The following ZNF654 variants were observed in gnomAD, a reference collection of about 807,000 sequenced individuals.
The protein encoded by ZNF654 is melanoma-associated antigen.
ZNF654 carries 19 observed loss-of-function variants against 95.3 expected under a neutral mutation model. The observed-to-expected ratio is 0.20, with a 90% CI of 0.14 to 0.29. The LOEUF (loss-of-function observed/expected upper bound fraction) is 0.29, where lower values mean the gene tolerates loss of function less well. Among genes scored for constraint, ZNF654 ranks in the 10% least tolerant of loss-of-function variants. ZNF654 has a pLI of 1.00. For missense variants in ZNF654, 1,046 were observed against 1,341.0 expected (o/e 0.78, Z 3.44); for synonymous variants, 413 against 457.9 (o/e 0.90, Z 1.25).
intron 2 of ZNF654, among the ~76,000 whole-genome samples, chr3:88,103,265 T>A (rs1704539373): frequency 6.6e-6 from 1 of 152,178 alleles, no homozygotes; most frequent in African/African-American, 2.4e-5. Flanking sequence ...ATAATACGTT[T>A]GAGCAGATTG....
chr3:88,077,440 C>G (rs1237305726), intron 1 of ZNF654, among the ~76,000 whole-genome samples: 2 of 151,764 alleles, frequency 1.3e-5, no homozygotes, highest in African/African-American at 4.8e-5. Context: ...TCACTCCACT[C>G]TCCTGCCTCA....
chr3:88,133,328 C>T lies in ZNF654; in HGVS notation c.894-1733C>T, dbSNP rs147632507. On this transcript the variant is annotated intron_variant, in intron 6 of 8. Coordinates refer to ENST00000636215, the MANE Select transcript of ZNF654 (RefSeq NM_001350134.2). ...TTGAGATTTAGGTCTCTCTTATTTC[C>T]AATTCCATGTTCTTGCCACTGCATC... Among the ~76,000 whole-genome samples, 400 of 152,224 alleles carry T rather than the reference C, an allele frequency of 2.6e-3. 1 individual carries two copies. The highest frequency in any genetic ancestry group is 9.4e-3 in the African/African-American group (389 of 41,546).
Position 88,141,897 on chromosome 3 carries a change from A to G in ZNF654, c.*245A>G, listed in dbSNP as rs997113214. ...AGAAAACCACATTTTACAGTTTATGATGATTAATAGCAGCAGCATGTTCAG... is the reference window on the plus strand; with the variant it reads ...AGAAAACCACATTTTACAGTTTATGGTGATTAATAGCAGCAGCATGTTCAG... On this transcript the variant is annotated 3_prime_UTR_variant, in exon 9 of 9. Coordinates refer to ENST00000636215, the MANE Select transcript of ZNF654 (RefSeq NM_001350134.2). 1 of 357,846 alleles carries G rather than the reference A, an allele frequency of 2.8e-6. No individual in the cohort carries two copies. The highest frequency in any genetic ancestry group is 5.1e-6 in the Non-Finnish European group (1 of 197,322). 22.2% of individuals were successfully genotyped at this position (357,846 alleles called of 1,614,324 possible). A position where few individuals can be genotyped will look rare whatever the true frequency, so the allele number is the denominator to read the frequency against.
At chr3:88,070,669 T>C (rs1312133209) in intron 1 of ZNF654, among the ~76,000 whole-genome samples, 1 of 151,066 alleles carries the variant, frequency 6.6e-6, no homozygotes, top group Admixed American at 6.6e-5. Flanking sequence ...GGCTGAATAA[T>C]TGGGTTGGAG....
At chr3:88,141,545 T>G (rs1707133036) in intron 8 of ZNF654, 100 bp from the exon 9 acceptor site, 20 of 822,876 alleles carry the variant, frequency 2.4e-5, no homozygotes, top group Non-Finnish European at 3.4e-5. Context: ...AATATCAATA[T>G]CCTTTAAAAT....
chr3:88,139,524 A>G lies in ZNF654; in HGVS notation c.1855A>G (p.Ile619Val), dbSNP rs774708329. The G allele has an allele frequency of 2.5e-6, 4 of 1,613,432 alleles. No homozygotes were observed. Among genetic ancestry groups the G allele is most frequent in the Non-Finnish European group, 2.5e-6 (3 of 1,179,676 alleles). The stretch of plus-strand genomic sequence containing the variant: ...TCAGGAAGTCACTGCTTTGGAAGAA[A>G]TAAATTGTTCTAGTTCTTCCATTTC... ...DDQEVTALEE[I>V]NCSSSSISFE... Residue 619 changes from isoleucine (I) to valine (V), a missense_variant, in exon 8 of 9, where the codon ATA (isoleucine) becomes GTA (valine). Ile to Val is a conservative substitution (Grantham distance 29, BLOSUM62 3). Coordinates refer to ENST00000636215, the MANE Select transcript of ZNF654 (RefSeq NM_001350134.2).
At chr3:88,132,169 G>A (rs1470659682) in intron 6 of ZNF654, among the ~76,000 whole-genome samples, 6 of 151,976 alleles carry the variant, frequency 3.9e-5, no homozygotes. Flanking sequence ...GTGAAGCCAG[G>A]ATTCAAACTT....
In ZNF654 at chr3:88,139,093, A is replaced by G; in HGVS notation, c.1424A>G (p.Asn475Ser). ...LSDKSAVRFL[N>S]ESTLENNAGN... ...GATAAATCAGCAGTTAGATTTCTAA[A>G]TGAAAGCACACTGGAAAATAATGCA... is the stretch of plus-strand genomic sequence containing the variant. The change falls in exon 8 of 9, where the codon AAT becomes AGT. Residue 475 changes from asparagine to serine, a missense_variant. Physicochemically the swap from Asn to Ser is conservative, Grantham distance 46. This residue lies in a region of ZNF654 where 100 missense variants were observed against 108.9 expected (regional missense o/e 0.92). Transcript: ENST00000636215. 1 of 1,263,316 alleles carries G rather than the reference A, an allele frequency of 7.9e-7. No individual in the cohort carries two copies. The highest frequency in any genetic ancestry group is 9.9e-7 in the Non-Finnish European group (1 of 1,005,644). 78.3% of individuals were successfully genotyped at this position (1,263,316 alleles called of 1,614,324 possible).
intron 2 of ZNF654, among the ~76,000 whole-genome samples, chr3:88,105,512 G>T (rs1160179286): frequency 6.6e-6 from 1 of 151,882 alleles, no homozygotes; most frequent in South Asian, 2.1e-4. Context: ...ACCTCTTTTT[G>T]AATTTTTGCC....
chr3:88,094,308 T>C (rs1703927544), intron 2 of ZNF654, among the ~76,000 whole-genome samples: 1 of 152,158 alleles, frequency 6.6e-6, no homozygotes, highest in Non-Finnish European at 1.5e-5. Context: ...TAGTTGTGAC[T>C]AGCATCTTTT....
chr3:88,078,191 C>G (rs1234529106), intron 1 of ZNF654, among the ~76,000 whole-genome samples: 1 of 152,112 alleles, frequency 6.6e-6, no homozygotes, highest in African/African-American at 2.4e-5. Flanking sequence ...ATTCCTATAA[C>G]ATTATTTAAT....
At chr3:88,102,498 G>A (rs991716881) in intron 2 of ZNF654, among the ~76,000 whole-genome samples, 8 of 152,118 alleles carry the variant, frequency 5.3e-5, no homozygotes, top group Admixed American at 2.0e-4. Flanking sequence ...GTGCAAAAGC[G>A]TGATGAAGGT....
intron 2 of ZNF654, among the ~76,000 whole-genome samples, chr3:88,103,070 ATG>A (rs941244915): frequency 7.2e-5 from 11 of 152,150 alleles, no homozygotes; most frequent in African/African-American, 2.7e-4. Context: ...AAGTGAGCAC[ATG>A]TGTTATTTGG....
At chr3:88,064,385 A>T (rs887528550) in intron 1 of ZNF654, among the ~76,000 whole-genome samples, 1 of 152,116 alleles carries the variant, frequency 6.6e-6, no homozygotes, top group Non-Finnish European at 1.5e-5. Flanking sequence ...GTTTTTGTTT[A>T]TCCCTTTCCT....
Position 88,128,917 on chromosome 3 carries a change from T to G in ZNF654, c.659T>G (p.Ile220Arg). ...GCAATGGCTCTTATTAAATCTTGTA[T>G]AAATCACCCAGAAATCAGTAAAGAC... ...PEAMALIKSC[I>R]NHPEISKDLY... The change falls in exon 5 of 9, where the codon ATA becomes AGA. Residue 220 changes from isoleucine (I) to arginine (R), a missense_variant. This residue lies in a region of ZNF654 where 121 missense variants were observed against 141.7 expected (regional missense o/e 0.85). Transcript: ENST00000636215. The G allele has an allele frequency of 6.5e-7, 1 of 1,535,674 alleles. No individual in the cohort carries two copies. The highest frequency in any genetic ancestry group is 1.2e-5 in the South Asian group (1 of 84,054).
intron 2 of ZNF654, among the ~76,000 whole-genome samples, chr3:88,088,728 A>T (rs77990694): frequency 4.7e-4 from 4 of 8,582 alleles, no homozygotes; most frequent in Admixed American, 2.2e-3. Context: ...GAGGCAGTTT[A>T]AAAAAAAACC....
At chr3:88,098,027 ACAAT>A (rs1704170828) in intron 2 of ZNF654, among the ~76,000 whole-genome samples, 1 of 151,792 alleles carries the variant, frequency 6.6e-6, no homozygotes, top group Admixed American at 6.6e-5. Context: ...CCCTTCAAAA[ACAAT>A]CAATCCAGGA....
chr3:88,064,899 G>A (rs532868375), intron 1 of ZNF654, among the ~76,000 whole-genome samples: 2 of 152,338 alleles, frequency 1.3e-5, no homozygotes, highest in South Asian at 2.1e-4. Context: ...GGAAAGTATT[G>A]AGGATAATTT....
At chr3:88,119,572 T>C (rs1401808229) in intron 3 of ZNF654, among the ~76,000 whole-genome samples, 1 of 151,996 alleles carries the variant, frequency 6.6e-6, no homozygotes, top group Non-Finnish European at 1.5e-5. Context: ...ACAATAATTA[T>C]TGGAGACTAA....
Sources: gnomAD v4.1 joint callset for allele counts (sites outside exome capture counted in the v4.1 genomes callset) on GRCh38, gnomAD v4.1.1 for gene constraint, gnomAD v4.1.1 regional missense constraint, MANE v1.5 for transcripts, NCBI Gene and HGNC (gene_info 2026-07-23, HGNC 2026-07-21) for gene names.